Variants in LHPP observed in about 807,000 individuals in gnomAD.
LHPP encodes the protein phospholysine phosphohistidine inorganic pyrophosphate phosphatase.
A neutral mutation model predicts 30.3 loss-of-function variants in LHPP; 24 were observed. The observed-to-expected ratio is 0.79, with a 90% CI of 0.57 to 1.11. The LOEUF is 1.11. Ranked by LOEUF, LHPP falls within the 50% of genes most tolerant of loss-of-function variation. LHPP has a pLI of 0.00. For missense variants in LHPP, 356 were observed against 367.2 expected (o/e 0.97, Z 0.25); for synonymous variants, 150 against 157.1 (o/e 0.95, Z 0.34).
chr10:124,540,490 C>T (rs57668135), intron 6 of LHPP, among the ~76,000 whole-genome samples: 1,838 of 152,324 alleles, frequency 0.012, 29 homozygotes, highest in African/African-American at 0.041. Flanking sequence ...TTTCCCCGAG[C>T]GCCCTTCACC....
chr10:124,469,372 C>T (rs1429897953), intron 1 of LHPP, among the ~76,000 whole-genome samples: 2 of 151,974 alleles, frequency 1.3e-5, no homozygotes, highest in East Asian at 1.9e-4. Context: ...TTGAGGGCCA[C>T]GGAGCACGGG....
rs1955433632 is a variant in LHPP, at chr10:124,549,763, G to A, written c.716+32492G>A. 2.0e-5 allele frequency among the ~76,000 whole-genome samples: 3 copies of A among 152,232 alleles called. No homozygotes were observed. The East Asian group carries it at 5.8e-4, about 29-fold the overall frequency. ...GGCATGGCCGGGGTGGGCATGGCCG[G>A]GAAAGGCATGGCCTCCAGAATCAGA... On this transcript the variant is annotated intron_variant, in intron 6 of 6. Coordinates refer to ENST00000368842, the MANE Select transcript of LHPP (RefSeq NM_022126.4).
chr10:124,594,098 C>T (rs924004501), intron 6 of LHPP, among the ~76,000 whole-genome samples: 3 of 152,150 alleles, frequency 2.0e-5, no homozygotes, highest in African/African-American at 7.2e-5. Flanking sequence ...GAGGCTGAGG[C>T]AGGCGGATCA....
intron 5 of LHPP, among the ~76,000 whole-genome samples, chr10:124,514,686 T>C (rs889512129): frequency 2.6e-5 from 4 of 152,208 alleles, no homozygotes; most frequent in African/African-American, 9.6e-5. Context: ...GTGTTTCTTG[T>C]GTTTGGTGTT....
chr10:124,502,739 T>C (rs1953947082), intron 5 of LHPP, among the ~76,000 whole-genome samples: 1 of 136,846 alleles, frequency 7.3e-6, no homozygotes, highest in Non-Finnish European at 1.5e-5. Context: ...AATAGCATGA[T>C]CTCAGCTCAC....
At position 124,523,453 on chromosome 10, in the gene LHPP, G is replaced by A. The variant is rs1327193519; in HGVS notation, c.716+6182G>A. ...GCCTTTGACCTTGGAAGCGGCTGCC[G>A]TCAAAGCAGCAGCTTGTCCTGGGTC... On this transcript the variant is annotated intron_variant, in intron 6 of 6. Transcript: ENST00000368842. The surrounding 1 kb of genome is among the most constrained non-coding windows in gnomAD (Gnocchi z 4.2). Among the ~76,000 whole-genome samples the A allele has an allele frequency of 6.6e-6, 1 of 152,242 alleles. No homozygotes were observed. The highest frequency in any genetic ancestry group is 1.5e-5 in the Non-Finnish European group (1 of 68,042).
intron 6 of LHPP, among the ~76,000 whole-genome samples, chr10:124,537,782 G>A (rs943126675): frequency 6.6e-6 from 1 of 152,222 alleles, no homozygotes; most frequent in Non-Finnish European, 1.5e-5. Flanking sequence ...CCGAGACTTC[G>A]GAGCTCTCAC....
In LHPP at chr10:124,561,673, G is replaced by A. The variant is rs115374645; in HGVS notation, c.716+44402G>A. Reference sequence around the variant, plus strand: ...TCAGTGTCAGCAGAGGCCAAGTGGGGAACCTGGACGTCCACCCCACCCAAG... The same window carrying A: ...TCAGTGTCAGCAGAGGCCAAGTGGGAAACCTGGACGTCCACCCCACCCAAG... On this transcript the variant is annotated intron_variant, in intron 6 of 6. Transcript: ENST00000368842. 6.8e-3 allele frequency among the ~76,000 whole-genome samples: 1,033 copies of A among 151,642 alleles called. 8 individuals are homozygous for A. The highest frequency in any genetic ancestry group is 0.024 in the African/African-American group (1,002 of 41,320).
At chr10:124,563,330 C>CTTTTAT (rs1948433027) in intron 6 of LHPP, among the ~76,000 whole-genome samples, 1 of 26,540 alleles carries the variant, frequency 3.8e-5, no homozygotes, top group African/African-American at 1.3e-4. Flanking sequence ...TTTTTTTTTG[C>CTTTTAT]ATAAAATCCA....
At chr10:124,543,897 C>T (rs1955266508) in intron 6 of LHPP, among the ~76,000 whole-genome samples, 1 of 152,176 alleles carries the variant, frequency 6.6e-6, no homozygotes. Flanking sequence ...TTTTGTTCAG[C>T]CTGTTTTTTA....
chr10:124,474,132 CTTTT>C (rs544464876), intron 1 of LHPP, among the ~76,000 whole-genome samples: 64 of 71,898 alleles, frequency 8.9e-4, no homozygotes, highest in Non-Finnish European at 1.4e-3. Context: ...TTGCTTTGCC[CTTTT>C]TTTTTTTTTT....
chr10:124,551,111 C>T (rs1263492275), intron 6 of LHPP, among the ~76,000 whole-genome samples: 4 of 152,234 alleles, frequency 2.6e-5, no homozygotes, highest in Non-Finnish European at 4.4e-5. Context: ...CTGGCACCTC[C>T]ACCAGCATTA....
chr10:124,543,464 G>C (rs73367868), intron 6 of LHPP, among the ~76,000 whole-genome samples: 1 of 152,262 alleles, frequency 6.6e-6, no homozygotes, highest in African/African-American at 2.4e-5. Context: ...CTGGGAAGGC[G>C]GAGGTCTGGG....
intron 1 of LHPP, among the ~76,000 whole-genome samples, chr10:124,476,670 T>TGCAGTGC (rs1952957403): frequency 6.6e-6 from 1 of 152,176 alleles, no homozygotes; most frequent in South Asian, 2.1e-4. Flanking sequence ...CACATCAGTG[T>TGCAGTGC]GGGCGTCCCC....
intron 6 of LHPP, among the ~76,000 whole-genome samples, chr10:124,573,133 TTG>T (rs1398274413): frequency 6.6e-6 from 1 of 152,246 alleles, no homozygotes; most frequent in Non-Finnish European, 1.5e-5. Context: ...ATAAACGTGT[TTG>T]TGTTTTAAAA....
chr10:124,553,619 T>C (rs954272557), intron 6 of LHPP, among the ~76,000 whole-genome samples: 9 of 151,958 alleles, frequency 5.9e-5, no homozygotes, highest in Non-Finnish European at 7.4e-5. Flanking sequence ...CCACCACGCC[T>C]GGCTAATTTT....
intron 5 of LHPP, among the ~76,000 whole-genome samples, chr10:124,505,595 C>A (rs1030798520): frequency 6.6e-6 from 1 of 152,216 alleles, no homozygotes; most frequent in African/African-American, 2.4e-5. Context: ...TTAGAGGCAA[C>A]CTGGCCCTTT....
chr10:124,577,313 G>A (rs1473344982), intron 6 of LHPP, among the ~76,000 whole-genome samples: 2 of 152,172 alleles, frequency 1.3e-5, no homozygotes, highest in Non-Finnish European at 2.9e-5. Flanking sequence ...CTGGGCACAG[G>A]GGTCACCTCC....
intron 1 of LHPP, among the ~76,000 whole-genome samples, chr10:124,466,394 C>T (rs1322837268): frequency 1.3e-5 from 2 of 152,134 alleles, no homozygotes; most frequent in Non-Finnish European, 1.5e-5. Context: ...AAAGTGGGGG[C>T]CACTGTGTGG....
Sources: gnomAD v4.1 joint callset for allele counts (sites outside exome capture counted in the v4.1 genomes callset) on GRCh38, gnomAD v4.1.1 for gene constraint, Gnocchi (gnomAD v3.1) non-coding constraint, MANE v1.5 for transcripts, NCBI Gene and HGNC (gene_info 2026-07-23, HGNC 2026-07-21) for gene names.